Variants in DET1 observed in about 807,000 individuals in gnomAD.
DET1 encodes DET1 partner of COP1 E3 ubiquitin ligase, also known as DET1 homolog.
In DET1, 22 loss-of-function variants were observed where a neutral mutation model predicts 43.7. The observed-to-expected ratio is 0.50, with a 90% CI of 0.36 to 0.72. The LOEUF is 0.72. Among genes scored for constraint, DET1 ranks in the 30% least tolerant of loss-of-function variants. DET1 has a pLI of 0.00. For synonymous variants in DET1, 315 were observed against 266.2 expected, an observed-to-expected ratio of 1.18 and a Z score of -1.79; for missense variants, 713 against 713.3, an observed-to-expected ratio of 1.00 and a Z score of 0.00.
chr15:88,503,400 GA>G (rs1375500851), intron 8 of DET1: 3 of 152,180 alleles, frequency 2.0e-5, no homozygotes, highest in African/African-American at 7.2e-5. Context: ...TGGATACAAA[GA>G]CACAAAAATA....
intron 8 of DET1, chr15:88,503,583 T>C (rs1298671431): frequency 6.6e-6 from 1 of 152,232 alleles, no homozygotes; most frequent in Non-Finnish European, 1.5e-5. Flanking sequence ...AGTTTCCTTA[T>C]CTACAAAATA....
downstream of DET1, chr15:88,511,466 G>T: frequency 3.0e-6 from 3 of 985,346 alleles, no homozygotes; most frequent in Non-Finnish European, 3.6e-6. Context: ...TATATGCTGG[G>T]CCTCTCCTTG....
intron 2 of DET1, 97 bp downstream of exon 2, chr15:88,530,526 A>T: frequency 6.7e-7 from 1 of 1,501,348 alleles, no homozygotes; most frequent in South Asian, 1.4e-5. Flanking sequence ...ACTACGTGAA[A>T]TGTCTATTTC....
chr15:88,523,725 T>C (rs1395207493), intron 3 of DET1, among the ~76,000 whole-genome samples: 1 of 152,166 alleles, frequency 6.6e-6, no homozygotes, highest in Non-Finnish European at 1.5e-5. Context: ...GCAGACAGAG[T>C]CTCGCTCACT....
Position 88,531,748 on chromosome 15 carries a change from G to C in DET1, c.-10-33C>G. On this transcript the variant is annotated intron_variant, in intron 1 of 4. Coordinates refer to ENST00000268148, the MANE Select transcript of DET1 (RefSeq NM_001144074.3). This position sits in a 1 kb window ranked among gnomAD's most constrained non-coding sequence, Gnocchi z 6.2. Reference sequence around the variant, plus strand: ...GAAAAGTAAAGCAGAAGTCAAGAAAGTGAAACAGAATTTACCAAAATATAA... The same window carrying C: ...GAAAAGTAAAGCAGAAGTCAAGAAACTGAAACAGAATTTACCAAAATATAA... 2.6e-6 allele frequency: 4 copies of C among 1,560,860 alleles called. 1 individual carries two copies. Among genetic ancestry groups the C allele is most frequent in the Middle Eastern group, 3.4e-4 (2 of 5,836 alleles).
chr15:88,527,032 G>A (rs951900675), intron 3 of DET1, among the ~76,000 whole-genome samples: 5 of 152,174 alleles, frequency 3.3e-5, no homozygotes, highest in Admixed American at 3.3e-4. Context: ...TTGAGTTTCT[G>A]CTCTCTGAGG....
chr15:88,529,359 T>A (rs934091206), intron 2 of DET1, among the ~76,000 whole-genome samples: 1 of 151,948 alleles, frequency 6.6e-6, no homozygotes, highest in African/African-American at 2.4e-5. Context: ...GACTGGGAAA[T>A]AAAGAACAGG....
intron 3 of DET1, among the ~76,000 whole-genome samples, chr15:88,518,612 G>C (rs2056409867): frequency 6.6e-6 from 1 of 152,078 alleles, no homozygotes; most frequent in African/African-American, 2.4e-5. Context: ...CAGCTTCTTA[G>C]AAAGAATGTC....
chr15:88,522,665 C>G (rs2056530504), intron 3 of DET1, among the ~76,000 whole-genome samples: 1 of 151,270 alleles, frequency 6.6e-6, no homozygotes, highest in Non-Finnish European at 1.5e-5. Context: ...CCCGCCATCA[C>G]ACACGGCTAA....
chr15:88,534,589 G>A (rs909945066), intron 1 of DET1, among the ~76,000 whole-genome samples: 1 of 152,146 alleles, frequency 6.6e-6, no homozygotes, highest in Admixed American at 6.5e-5. Flanking sequence ...TCATGAAGTT[G>A]TTCATGAACT....
intron 3 of DET1, among the ~76,000 whole-genome samples, chr15:88,517,943 T>C (rs1169653913): frequency 4.6e-5 from 7 of 152,132 alleles, no homozygotes; most frequent in Admixed American, 1.3e-4. Context: ...TTTTATTTTA[T>C]TTTTATTTTT....
chr15:88,539,093 C>T (rs1294517644), intron 1 of DET1, among the ~76,000 whole-genome samples: 7 of 75,006 alleles, frequency 9.3e-5, no homozygotes, highest in African/African-American at 3.7e-4. Flanking sequence ...TCTGGCAGAC[C>T]GCTCTCTCTC....
intron 7 of DET1, chr15:88,505,200 A>C (rs1252203254): frequency 6.6e-6 from 1 of 152,240 alleles, no homozygotes; most frequent in African/African-American, 2.4e-5. Flanking sequence ...TGTGCTCTGC[A>C]TGAATTGGTG....
At position 88,502,640 on chromosome 15, in the gene DET1, T is replaced by G. The variant is rs562204536; in HGVS notation, c.*2178+1235A>C. On this transcript the variant is annotated intron_variant and NMD_transcript_variant, in intron 8 of 8. Coordinates refer to the DET1 transcript ENST00000557842. ...TGCTGCAAATGCTCCCTGCAGGAGG[T>G]GAAACTTCAGCATCAAAGAATTAAT... is the stretch of plus-strand genomic sequence containing the variant. 9.2e-5 allele frequency: 14 copies of G among 152,302 alleles called. 1 individual carries two copies. The highest frequency in any genetic ancestry group is 3.1e-4 in the African/African-American group (13 of 41,568). The allele number at this position is 152,302 out of a possible 1,614,324, so 9.4% of individuals were successfully genotyped here. A position where few individuals can be genotyped will look rare whatever the true frequency, so the allele number is the denominator to read the frequency against.
intron 3 of DET1, 142 bp downstream of exon 3, chr15:88,527,457 G>T: frequency 1.4e-6 from 1 of 701,642 alleles, no homozygotes; most frequent in Non-Finnish European, 2.2e-6. Context: ...AAGAAGTTCA[G>T]GAAGAAACAA....
Position 88,512,738 on chromosome 15 carries a change from G to A in DET1, c.*213C>T, listed in dbSNP as rs1031168650. On this transcript the variant is annotated 3_prime_UTR_variant, in exon 5 of 5. Coordinates refer to ENST00000268148, the MANE Select transcript of DET1 (RefSeq NM_001144074.3). ...GCATTCCCACAGGGAAAACGCAAGA[G>A]GATATTATAACAATCAGTAGCAGTA... is the stretch of plus-strand genomic sequence containing the variant. 2.6e-5 allele frequency: 33 copies of A among 1,283,624 alleles called. 1 individual carries two copies. In the Admixed American group the frequency reaches 1.0e-3, roughly 41 times the overall value. 79.5% of individuals were successfully genotyped at this position (1,283,624 alleles called of 1,614,324 possible).
chr15:88,536,385 G>A, intron 1 of DET1: 1 of 769,380 alleles, frequency 1.3e-6, no homozygotes, highest in Non-Finnish European at 2.4e-6. Context: ...CCAGCACCTA[G>A]GAGAAGGGAC....
At chr15:88,539,593 C>A (rs368649751) in intron 1 of DET1, among the ~76,000 whole-genome samples, 4 of 151,966 alleles carry the variant, frequency 2.6e-5, no homozygotes, top group Admixed American at 2.6e-4. Context: ...GTCAGGACGT[C>A]GGTATTGCCC....
intron 1 of DET1, among the ~76,000 whole-genome samples, chr15:88,540,455 T>C (rs1337882247): frequency 2.6e-5 from 4 of 151,036 alleles, no homozygotes; most frequent in African/African-American, 7.3e-5. Context: ...TTCTGTTAAA[T>C]TGCCTTCTAA....
Sources: gnomAD v4.1 joint callset for allele counts (sites outside exome capture counted in the v4.1 genomes callset) on GRCh38, gnomAD v4.1.1 for gene constraint, Gnocchi (gnomAD v3.1) non-coding constraint, MANE v1.5 for transcripts, NCBI Gene and HGNC (gene_info 2026-07-23, HGNC 2026-07-21) for gene names.